Variants in HSCB observed in about 807,000 individuals in gnomAD.
HSCB encodes the protein HscB mitochondrial iron-sulfur cluster cochaperone.
HSCB carries 23 observed loss-of-function variants against 31.3 expected under a neutral mutation model. That is an observed-to-expected ratio of 0.74 (90% CI 0.53 to 1.04). The LOEUF (loss-of-function observed/expected upper bound fraction) is 1.04, where lower values mean the gene tolerates loss of function less well. HSCB is among the 50% of genes least tolerant of loss of function. The pLI, the probability that HSCB is intolerant of heterozygous loss-of-function variation, is 0.00. For synonymous variants in HSCB, 110 were observed against 104.5 expected (o/e 1.05, Z -0.32); for missense variants, 297 against 288.1 (o/e 1.03, Z -0.22).
intron 5 of HSCB, among the ~76,000 whole-genome samples, chr22:28,756,518 A>T (rs1163712298): frequency 6.7e-6 from 1 of 150,078 alleles, no homozygotes; most frequent in East Asian, 2.0e-4. Context: ...GCCCAGGTTG[A>T]AGTACAGTGG....
rs192056898 is a variant in HSCB at position 28,749,779 on chromosome 22, A to G, written c.569-1462A>G. On this transcript the variant is annotated intron_variant, in intron 4 of 5. Coordinates refer to ENST00000216027, the MANE Select transcript of HSCB (RefSeq NM_172002.5). ...TGCAGTCAGTGGGCTCAGCTGCCCA[A>G]TTTTAGACGTCAGGGCAGCATGAAG... 1.1e-3 allele frequency among the ~76,000 whole-genome samples: 169 copies of G among 152,242 alleles called. 4 individuals are homozygous for G. The highest frequency in any genetic ancestry group is 9.1e-3 in the Admixed American group (139 of 15,262).
intron 1 of HSCB, 66 bp downstream of exon 1, chr22:28,742,397 G>T: frequency 1.3e-6 from 2 of 1,579,528 alleles, no homozygotes; most frequent in African/African-American, 1.4e-5. Context: ...CCTGCGAGAG[G>T]GGAGGACGGA....
intron 3 of HSCB, 39 bp downstream of exon 3, chr22:28,744,743 G>A: frequency 6.8e-7 from 1 of 1,475,164 alleles, no homozygotes; most frequent in East Asian, 2.3e-5. Context: ...ATGACGTCCT[G>A]ATGCCCATTA....
intron 1 of HSCB, chr22:28,742,587 A>C: frequency 1.6e-5 from 7 of 436,694 alleles, no homozygotes; most frequent in Middle Eastern, 6.8e-4. Context: ...AGTTAGAGGA[A>C]ATAGGGGGGC....
intron 4 of HSCB, among the ~76,000 whole-genome samples, chr22:28,746,670 C>G (rs1185913878): frequency 6.6e-6 from 1 of 151,844 alleles, no homozygotes; most frequent in African/African-American, 2.4e-5. Context: ...GAGGCCAAGG[C>G]GGGTGGGTCA....
At chr22:28,754,817 A>G (rs1164797540) in intron 5 of HSCB, among the ~76,000 whole-genome samples, 1 of 148,152 alleles carries the variant, frequency 6.7e-6, no homozygotes, top group Non-Finnish European at 1.5e-5. Context: ...TTTTTTTGAG[A>G]CTGAGTTTTG....
chr22:28,756,609 C>T (rs2030614308), intron 5 of HSCB, among the ~76,000 whole-genome samples: 1 of 152,014 alleles, frequency 6.6e-6, no homozygotes, highest in Non-Finnish European at 1.5e-5. Flanking sequence ...GCCAGGACTA[C>T]AGGCATGTGC....
chr22:28,754,406 C>A (rs914087270), intron 5 of HSCB, among the ~76,000 whole-genome samples: 3 of 151,628 alleles, frequency 2.0e-5, no homozygotes, highest in African/African-American at 7.3e-5. Context: ...ACGGTGGCTC[C>A]CACCTGTAAT....
Position 28,745,991 on chromosome 22 carries a change from T to C in HSCB, c.551T>C (p.Ile184Thr), listed in dbSNP as rs373185429. 27 of 1,611,136 alleles carry C rather than the reference T, an allele frequency of 1.7e-5. No homozygotes were observed. Among genetic ancestry groups the C allele is most frequent in the Non-Finnish European group, 5.1e-6 (6 of 1,179,318 alleles). ...EAESEAAMKEIESIVKAKQKE... is the reference protein window; with the variant it reads ...EAESEAAMKETESIVKAKQKE... The stretch of plus-strand genomic sequence containing the variant: ...GAAAGTGAAGCTGCCATGAAAGAGA[T>C]TGAATCCATTGTCAAAGGTGAAAGA... The change falls in exon 4 of 6, where the codon ATT becomes ACT. Residue 184 changes from isoleucine to threonine, a missense_variant. Physicochemically the swap from Ile to Thr is moderately conservative, Grantham distance 89. Transcript: ENST00000216027.
intron 5 of HSCB, among the ~76,000 whole-genome samples, chr22:28,756,074 C>T (rs1342401829): frequency 6.6e-6 from 1 of 152,034 alleles, no homozygotes; most frequent in African/African-American, 2.4e-5. Flanking sequence ...TGGTGAAACC[C>T]TGCCTCTACT....
At chr22:28,755,333 C>T (rs1299011861) in intron 5 of HSCB, among the ~76,000 whole-genome samples, 2 of 151,810 alleles carry the variant, frequency 1.3e-5, no homozygotes, top group East Asian at 2.0e-4. Context: ...TGGCGTGAAC[C>T]GGGGAGGCAG....
chr22:28,749,913 G>C (rs2030097567), intron 4 of HSCB, among the ~76,000 whole-genome samples: 1 of 152,034 alleles, frequency 6.6e-6, no homozygotes. Flanking sequence ...TATTAGTACT[G>C]GTGGTTGTGG....
chr22:28,749,441 A>G lies in HSCB; in HGVS notation c.569-1800A>G, dbSNP rs927672682. 6.6e-5 allele frequency among the ~76,000 whole-genome samples: 10 copies of G among 152,204 alleles called. No homozygotes were observed. The South Asian group carries it at 2.1e-3, about 32-fold the overall frequency. ...TTTAAGCTATCTATTAGTAGTGGCT[A>G]TTTCTTTTGTAGGACTAATCACAGT... On this transcript the variant is annotated intron_variant, in intron 4 of 5. Coordinates refer to ENST00000216027, the MANE Select transcript of HSCB (RefSeq NM_172002.5).
At chr22:28,752,461 A>G (rs114977563) in intron 5 of HSCB, among the ~76,000 whole-genome samples, 2,941 of 149,462 alleles carry the variant, frequency 0.02, 99 homozygotes, top group African/African-American at 0.069. Flanking sequence ...TGGGCCGGGC[A>G]TGGTTAATGA....
intron 1 of HSCB, among the ~76,000 whole-genome samples, chr22:28,743,397 A>G (rs963276518): frequency 1.3e-5 from 2 of 152,194 alleles, no homozygotes; most frequent in African/African-American, 2.4e-5. Context: ...CCAAAACTGT[A>G]TTTTACAAGA....
chr22:28,743,010 G>T (rs574259050), intron 1 of HSCB, among the ~76,000 whole-genome samples: 65 of 152,126 alleles, frequency 4.3e-4, no homozygotes, highest in Non-Finnish European at 8.2e-4. Flanking sequence ...GAGAGACAGG[G>T]ATGAAGGGAC....
chr22:28,747,948 G>C (rs2029944810), intron 4 of HSCB, among the ~76,000 whole-genome samples: 1 of 152,134 alleles, frequency 6.6e-6, no homozygotes, highest in Non-Finnish European at 1.5e-5. Flanking sequence ...CACTTTGGGA[G>C]GCCGAGGCAG....
chr22:28,746,884 G>A (rs565748094), intron 4 of HSCB, among the ~76,000 whole-genome samples: 27 of 144,290 alleles, frequency 1.9e-4, no homozygotes, highest in African/African-American at 5.2e-4. Context: ...GGACGACAGA[G>A]TGAGACTCCG....
rs769523027 is a variant in HSCB, at chr22:28,744,629, C to A, written c.348C>A (p.Phe116Leu). Residue 116 changes from phenylalanine (F) to leucine (L), a missense_variant, in exon 3 of 6, where the codon TTC becomes TTA. Coordinates refer to ENST00000216027, the MANE Select transcript of HSCB (RefSeq NM_172002.5). ...TCCACTAACAGACTGAAAAGGACTT[C>A]TCAGAGAAGCATTCGACCCTGGTGA... ...FSQRSQTEKDFSEKHSTLVND... is the reference protein window; with the variant it reads ...FSQRSQTEKDLSEKHSTLVND... 2 of 1,612,574 alleles carry A rather than the reference C, an allele frequency of 1.2e-6. No homozygotes were observed. Among genetic ancestry groups the A allele is most frequent in the South Asian group, 2.2e-5 (2 of 91,050 alleles).
Sources: gnomAD v4.1 joint callset for allele counts (sites outside exome capture counted in the v4.1 genomes callset) on GRCh38, gnomAD v4.1.1 for gene constraint, MANE v1.5 for transcripts, NCBI Gene and HGNC (gene_info 2026-07-23, HGNC 2026-07-21) for gene names.